Variants in PTPRD observed in about 807,000 individuals in gnomAD.
PTPRD encodes the protein receptor-type tyrosine-protein phosphatase delta.
PTPRD carries 34 observed loss-of-function variants against 214.5 expected under a neutral mutation model. That is an observed-to-expected ratio of 0.16 (90% CI 0.12 to 0.21). The LOEUF (loss-of-function observed/expected upper bound fraction) is 0.21. Among genes scored for constraint, PTPRD ranks in the 10% least tolerant of loss-of-function variants. The pLI is 1.00. For missense variants in PTPRD, 2,545 were observed against 2,398.7 expected (o/e 1.06, Z -1.27); for synonymous variants, 1,128 against 845.7 (o/e 1.33, Z -5.79).
intron 5 of PTPRD, among the ~76,000 whole-genome samples, chr9:9,903,779 T>C: frequency 6.6e-6 from 1 of 152,244 alleles, no homozygotes. Context: ...TGGATCATCT[T>C]AACTCTCTAG....
intron 3 of PTPRD, among the ~76,000 whole-genome samples, chr9:10,196,680 A>G (rs1239510221): frequency 6.6e-6 from 1 of 152,198 alleles, no homozygotes; most frequent in Non-Finnish European, 1.5e-5. Flanking sequence ...AATATAATAC[A>G]TCATGGTAGG....
chr9:10,550,337 G>A (rs960037198), intron 2 of PTPRD, among the ~76,000 whole-genome samples: 4 of 152,134 alleles, frequency 2.6e-5, no homozygotes, highest in Non-Finnish European at 5.9e-5. Flanking sequence ...TGGGTATTTT[G>A]CGTGATGCTG....
chr9:9,777,302 CAAAT>C (rs969428968), intron 5 of PTPRD, among the ~76,000 whole-genome samples: 3 of 151,014 alleles, frequency 2.0e-5, no homozygotes, highest in African/African-American at 4.9e-5. Flanking sequence ...ATCCCCAACA[CAAAT>C]AAAAATATGC....
intron 4 of PTPRD, among the ~76,000 whole-genome samples, chr9:10,023,131 T>C (rs984582508): frequency 6.6e-6 from 1 of 152,212 alleles, no homozygotes; most frequent in Admixed American, 6.5e-5. Flanking sequence ...GCAAAACTTA[T>C]TTAGATTTCT....
At chr9:10,362,363 G>A (rs751336664) in intron 2 of PTPRD, among the ~76,000 whole-genome samples, 1 of 147,056 alleles carries the variant, frequency 6.8e-6, no homozygotes, top group East Asian at 2.0e-4. Context: ...TTTCAGATGA[G>A]AGAATTGAGG....
intron 8 of PTPRD, among the ~76,000 whole-genome samples, chr9:9,513,587 C>CAA (rs372652675): frequency 8.8e-6 from 1 of 113,416 alleles, no homozygotes; most frequent in African/African-American, 3.5e-5. Context: ...AGATATATAA[C>CAA]AAAAAAAAAA....
At chr9:8,724,021 C>A (rs1480273292) in intron 12 of PTPRD, among the ~76,000 whole-genome samples, 1 of 152,096 alleles carries the variant, frequency 6.6e-6, no homozygotes, top group African/African-American at 2.4e-5. Context: ...TATGAGAGAA[C>A]AAAGCTAAAT....
At position 8,416,533 on chromosome 9, in the gene PTPRD, G is replaced by T. The variant is rs371359048; in HGVS notation, c.4087-11873C>A. ...ACTTCCTCTTGTCATGTCAGAGGCA[G>T]AAGGAGCAGACTGTAGGACTCAACA... On this transcript the variant is annotated intron_variant, in intron 35 of 45. Coordinates refer to ENST00000381196, the MANE Select transcript of PTPRD (RefSeq NM_002839.4). Among the ~76,000 whole-genome samples, 147 of 152,292 alleles carry T rather than the reference G, an allele frequency of 9.7e-4. No homozygotes were observed. In the South Asian group the frequency reaches 0.022, roughly 23 times the overall value.
In PTPRD at chr9:8,499,578, C is replaced by T. The variant is rs183040702; in HGVS notation, c.2322+69G>A. On this transcript the variant is annotated intron_variant, in intron 25 of 45. Coordinates refer to ENST00000381196, the MANE Select transcript of PTPRD (RefSeq NM_002839.4). Reference sequence around the variant, plus strand: ...AAATGTCGAAAAACTAAAATAAGAGCAATTTCAGGATATGAACTAAGATAA... The same window carrying T: ...AAATGTCGAAAAACTAAAATAAGAGTAATTTCAGGATATGAACTAAGATAA... 70 of 1,493,190 alleles carry T rather than the reference C, an allele frequency of 4.7e-5. No individual in the cohort carries two copies. In the East Asian group the frequency reaches 1.4e-3, roughly 29 times the overall value. The allele number at this position is 1,493,190 out of a possible 1,614,324, so 92.5% of individuals were successfully genotyped here. A position where few individuals can be genotyped will look rare whatever the true frequency, so the allele number is the denominator to read the frequency against.
At chr9:9,167,514 G>A (rs1237362913) in intron 10 of PTPRD, among the ~76,000 whole-genome samples, 2 of 151,992 alleles carry the variant, frequency 1.3e-5, no homozygotes, top group Non-Finnish European at 1.5e-5. Context: ...TAGTACTTTG[G>A]GAGACCGAGG....
intron 6 of PTPRD, among the ~76,000 whole-genome samples, chr9:9,743,913 C>A (rs183753974): frequency 1.3e-5 from 2 of 152,144 alleles, no homozygotes; most frequent in Admixed American, 1.3e-4. Context: ...TACATTGTAG[C>A]CTCTCTACTC....
chr9:10,092,962 T>G (rs450009), intron 3 of PTPRD, among the ~76,000 whole-genome samples: 62,263 of 151,402 alleles, frequency 0.41, 13,497 homozygotes, highest in East Asian at 0.54. Flanking sequence ...CAAGATAGAC[T>G]GAAGATTTAG....
intron 9 of PTPRD, among the ~76,000 whole-genome samples, chr9:9,217,830 T>C (rs138826898): frequency 2.0e-5 from 3 of 152,294 alleles, no homozygotes; most frequent in African/African-American, 7.2e-5. Context: ...CTTGTCCATA[T>C]GTTTTCTGAT....
At chr9:9,759,531 C>T (rs188363538) in intron 6 of PTPRD, among the ~76,000 whole-genome samples, 2 of 147,574 alleles carry the variant, frequency 1.4e-5, no homozygotes, top group East Asian at 4.3e-4. Flanking sequence ...ATGATGCAAA[C>T]ATCTTCAAAT....
intron 33 of PTPRD, among the ~76,000 whole-genome samples, chr9:8,450,947 G>T (rs2095916247): frequency 6.6e-6 from 1 of 152,134 alleles, no homozygotes. Context: ...GGGGGGAAAA[G>T]GTGCTGCACA....
At chr9:9,243,859 T>A (rs1237236176) in intron 9 of PTPRD, among the ~76,000 whole-genome samples, 5 of 152,196 alleles carry the variant, frequency 3.3e-5, no homozygotes, top group Admixed American at 1.3e-4. Context: ...TGTCCCTGTT[T>A]GCAGGTGACA....
intron 2 of PTPRD, among the ~76,000 whole-genome samples, chr9:10,416,901 A>G (rs1216312617): frequency 6.6e-6 from 1 of 151,938 alleles, no homozygotes; most frequent in African/African-American, 2.4e-5. Flanking sequence ...AGAGTCCTGG[A>G]AAATAATTGT....
At chr9:9,541,860 G>T (rs868737277) in intron 8 of PTPRD, among the ~76,000 whole-genome samples, 18 of 151,790 alleles carry the variant, frequency 1.2e-4, no homozygotes, top group Admixed American at 5.9e-4. Context: ...CTTTCACTGA[G>T]TAACTATTGA....
At chr9:8,384,228 T>A (rs911339065) in intron 37 of PTPRD, among the ~76,000 whole-genome samples, 4 of 152,176 alleles carry the variant, frequency 2.6e-5, no homozygotes, top group Non-Finnish European at 1.5e-5. Flanking sequence ...AATGCTTCAT[T>A]TTTTCCAAAC....
Sources: gnomAD v4.1 joint callset for allele counts (sites outside exome capture counted in the v4.1 genomes callset) on GRCh38, gnomAD v4.1.1 for gene constraint, MANE v1.5 for transcripts, NCBI Gene and HGNC (gene_info 2026-07-23, HGNC 2026-07-21) for gene names.